Variants in SEPTIN7 observed in about 807,000 individuals in gnomAD.
SEPTIN7 encodes the protein septin-7.
A neutral mutation model predicts 63.3 loss-of-function variants in SEPTIN7; 10 were observed. The observed-to-expected ratio is 0.16, with a 90% CI of 0.10 to 0.27. The LOEUF is 0.27. Ranked by LOEUF, SEPTIN7 falls within the 10% of genes least tolerant of loss-of-function variation. The pLI, the probability that SEPTIN7 is intolerant of heterozygous loss-of-function variation, is 1.00. For synonymous variants in SEPTIN7, 131 were observed against 165.3 expected (o/e 0.79, Z 1.59); for missense variants, 310 against 521.0 (o/e 0.59, Z 3.94).
chr7:35,872,034 A>T (rs1428754406), intron 4 of SEPTIN7, among the ~76,000 whole-genome samples: 4 of 152,094 alleles, frequency 2.6e-5, no homozygotes, highest in Admixed American at 2.0e-4. Flanking sequence ...ACTTTTTTTT[A>T]AAATAAAAAC....
At chr7:35,884,024 C>A in intron 9 of SEPTIN7, 37 bp downstream of exon 9, 1 of 1,274,764 alleles carries the variant, frequency 7.8e-7, no homozygotes, top group Non-Finnish European at 1.1e-6. Context: ...TCTAAAATAT[C>A]TCAAAACTGA....
At chr7:35,804,835 G>GTT (rs57782019) in intron 1 of SEPTIN7, among the ~76,000 whole-genome samples, 8,872 of 123,232 alleles carry the variant, frequency 0.072, 435 homozygotes, top group South Asian at 0.15. Flanking sequence ...TTCTTTTTTT[G>GTT]TTTTTTTTTT....
chr7:35,856,704 A>G (rs936794952), intron 3 of SEPTIN7, among the ~76,000 whole-genome samples: 5 of 152,152 alleles, frequency 3.3e-5, no homozygotes, highest in African/African-American at 1.2e-4. Context: ...CCCCTGTGGC[A>G]TATAGCTCAA....
At chr7:35,848,490 T>C (rs1784805940) in intron 3 of SEPTIN7, among the ~76,000 whole-genome samples, 1 of 152,132 alleles carries the variant, frequency 6.6e-6, no homozygotes, top group Non-Finnish European at 1.5e-5. Context: ...CAGGATGGTC[T>C]TGATCTCCTG....
Position 35,898,399 on chromosome 7 carries a change from T to C in SEPTIN7, c.1134+16T>C, listed in dbSNP as rs1375706095. 6.0e-6 allele frequency: 9 copies of C among 1,499,848 alleles called. No individual in the cohort carries two copies. The Admixed American group carries it at 7.9e-5, about 13-fold the overall frequency. 92.9% of individuals were successfully genotyped at this position (1,499,848 alleles called of 1,614,324 possible). A position where few individuals can be genotyped will look rare whatever the true frequency, so the allele number is the denominator to read the frequency against. On this transcript the variant is annotated intron_variant, in intron 12 of 13. Coordinates refer to ENST00000350320, the MANE Select transcript of SEPTIN7 (RefSeq NM_001788.6). ...TGAAGCTGAGGTAATCAGTCTAATA[T>C]CCCATCTCTTAGCAGACATTGTGTT...
chr7:35,823,524 T>C (rs1482780181), intron 1 of SEPTIN7, among the ~76,000 whole-genome samples: 1 of 152,200 alleles, frequency 6.6e-6, no homozygotes, highest in Admixed American at 6.5e-5. Context: ...CTGTCTTCTT[T>C]ACTTCCTGCC....
At chr7:35,837,068 C>T (rs568752060) in intron 3 of SEPTIN7, among the ~76,000 whole-genome samples, 1 of 152,096 alleles carries the variant, frequency 6.6e-6, no homozygotes, top group Admixed American at 6.6e-5. Context: ...TCACATAATT[C>T]CACATGTCCA....
chr7:35,882,558 A>G lies in SEPTIN7; in HGVS notation c.705A>G (p.Lys235=). 6.7e-7 allele frequency: 1 copy of G among 1,485,620 alleles called. No individual in the cohort carries two copies. The highest frequency in any genetic ancestry group is 9.0e-7 in the Non-Finnish European group (1 of 1,109,392). 92.0% of individuals were successfully genotyped at this position (1,485,620 alleles called of 1,614,324 possible). A position where few individuals can be genotyped will look rare whatever the true frequency, so the allele number is the denominator to read the frequency against. Residue 235 remains lysine (K), a synonymous_variant, in exon 8 of 14, where the codon AAA becomes AAG. Transcript: ENST00000350320. Reference sequence around the variant, plus strand: ...AAACAGATGATGAAGAAGAAAATAAACTTGTTAAAAAGATAAAGGTAGGTT... The same window carrying G: ...AAACAGATGATGAAGAAGAAAATAAGCTTGTTAAAAAGATAAAGGTAGGTT... ...FPETDDEEEN[K]LVKKIKDRLP... is the part of the protein sequence containing the mutation.
intron 2 of SEPTIN7, chr7:35,832,251 A>G (rs1393535325): frequency 5.8e-6 from 2 of 342,734 alleles, no homozygotes; most frequent in Non-Finnish European, 1.1e-5. Flanking sequence ...AGCTTGAATG[A>G]TACTGTAGCT....
intron 7 of SEPTIN7, among the ~76,000 whole-genome samples, chr7:35,880,864 A>G (rs1006253031): frequency 1.4e-4 from 21 of 151,998 alleles, no homozygotes; most frequent in African/African-American, 4.3e-4. Flanking sequence ...AGTCACACAT[A>G]TTTCTAATTT....
the SEPTIN7 span, among the ~76,000 whole-genome samples, chr7:35,915,145 A>G: frequency 2.0e-5 from 3 of 152,146 alleles, no homozygotes; most frequent in Non-Finnish European, 4.4e-5. Context: ...GCATATACAC[A>G]TGTATACATG....
At chr7:35,833,953 G>A (rs1783955822) in intron 3 of SEPTIN7, among the ~76,000 whole-genome samples, 1 of 151,886 alleles carries the variant, frequency 6.6e-6, no homozygotes, top group Non-Finnish European at 1.5e-5. Context: ...GTTAAAACAG[G>A]TACAGAATAT....
chr7:35,866,068 T>C (rs1785792295), intron 4 of SEPTIN7, among the ~76,000 whole-genome samples: 1 of 152,238 alleles, frequency 6.6e-6, no homozygotes, highest in Admixed American at 6.5e-5. Context: ...TAAATATCTT[T>C]TCTTTACCAA....
At position 35,801,247 on chromosome 7, in the gene SEPTIN7, G is replaced by C. The variant is rs1442063481; in HGVS notation, c.38G>C (p.Arg13Thr). The C allele has an allele frequency of 6.5e-7, 1 of 1,534,590 alleles. No individual in the cohort carries two copies. Among genetic ancestry groups the C allele is most frequent in the East Asian group, 2.6e-5 (1 of 37,902 alleles). The change falls in exon 1 of 14, where the codon AGG (arginine) becomes ACG (threonine). Residue 13 changes from arginine to threonine, a missense_variant. Arg to Thr is a moderately conservative substitution (Grantham distance 71, BLOSUM62 -1). This residue lies in a region of SEPTIN7 where 55 missense variants were observed against 30.5 expected (regional missense o/e 1.80). Coordinates refer to ENST00000350320, the MANE Select transcript of SEPTIN7 (RefSeq NM_001788.6). The part of the protein sequence containing the change: ...VSARSAAAEE[R>T]SVNSSTMVAQ... Reference sequence around the variant, plus strand: ...GCGAGATCCGCTGCTGCTGAGGAGAGGAGCGTCAACAGCAGCACCATGGGT... The same window carrying C: ...GCGAGATCCGCTGCTGCTGAGGAGACGAGCGTCAACAGCAGCACCATGGGT...
chr7:35,857,300 C>T (rs2116102588), intron 3 of SEPTIN7, among the ~76,000 whole-genome samples: 1 of 152,186 alleles, frequency 6.6e-6, no homozygotes, highest in Non-Finnish European at 1.5e-5. Context: ...TTATTTTTTT[C>T]TTGGCCAAAT....
chr7:35,875,667 G>A (rs1002866420), intron 6 of SEPTIN7, among the ~76,000 whole-genome samples: 1 of 152,074 alleles, frequency 6.6e-6, no homozygotes, highest in African/African-American at 2.4e-5. Context: ...AACTGACTTG[G>A]AACATGAATT....
At chr7:35,894,712 GCA>G (rs1444293085) in intron 11 of SEPTIN7, among the ~76,000 whole-genome samples, 1 of 152,120 alleles carries the variant, frequency 6.6e-6, no homozygotes. Flanking sequence ...GGAAAATTTT[GCA>G]CATAGTGACC....
At chr7:35,912,560 C>CTG in the SEPTIN7 span, among the ~76,000 whole-genome samples, 169 of 152,250 alleles carry the variant, frequency 1.1e-3, no homozygotes, top group Non-Finnish European at 1.6e-3. Flanking sequence ...CTCTATATTT[C>CTG]TGTGTGTGTG....
At chr7:35,818,532 A>G (rs1263701264) in intron 1 of SEPTIN7, among the ~76,000 whole-genome samples, 1 of 152,040 alleles carries the variant, frequency 6.6e-6, no homozygotes, top group East Asian at 1.9e-4. Context: ...GAAGGATTGT[A>G]CAACCTTTAA....
Sources: gnomAD v4.1 joint callset for allele counts (sites outside exome capture counted in the v4.1 genomes callset) on GRCh38, gnomAD v4.1.1 for gene constraint, gnomAD v4.1.1 regional missense constraint, MANE v1.5 for transcripts, NCBI Gene and HGNC (gene_info 2026-07-23, HGNC 2026-07-21) for gene names.